The following ARSB variants were observed in gnomAD, a reference collection of about 807,000 sequenced individuals.
ARSB encodes N-acetylgalactosamine-4-sulfatase.
ARSB carries 41 observed loss-of-function variants against 50.9 expected under a neutral mutation model. The ratio of observed to expected loss-of-function variants is 0.81; its 90% confidence interval spans 0.63 to 1.04. The LOEUF (loss-of-function observed/expected upper bound fraction) is 1.04, where lower values mean the gene tolerates loss of function less well. ARSB is among the 50% of genes least tolerant of loss of function. The pLI, the probability that ARSB is intolerant of heterozygous loss-of-function variation, is 0.00. For missense variants in ARSB, 672 were observed against 693.3 expected (o/e 0.97, Z 0.35); for synonymous variants, 269 against 284.8 (o/e 0.94, Z 0.56).
intron 4 of ARSB, among the ~76,000 whole-genome samples, chr5:78,932,507 T>C (rs989002215): frequency 1.3e-5 from 2 of 152,176 alleles, no homozygotes; most frequent in Non-Finnish European, 2.9e-5. Context: ...GAACTTCAAT[T>C]ATCCAGGATT....
At chr5:78,790,002 A>C (rs1399064277) in intron 6 of ARSB, among the ~76,000 whole-genome samples, 1 of 152,132 alleles carries the variant, frequency 6.6e-6, no homozygotes, top group Non-Finnish European at 1.5e-5. Context: ...AGCGTGGCAC[A>C]AACAGCGCTG....
intron 7 of ARSB, among the ~76,000 whole-genome samples, chr5:78,780,944 G>A (rs1365383581): frequency 1.3e-5 from 2 of 152,170 alleles, no homozygotes; most frequent in East Asian, 1.9e-4. Context: ...GGCATTTAGT[G>A]GGCATGAGCT....
intron 4 of ARSB, among the ~76,000 whole-genome samples, chr5:78,903,022 G>C (rs2033605536): frequency 6.6e-6 from 1 of 152,166 alleles, no homozygotes; most frequent in Non-Finnish European, 1.5e-5. Context: ...TAGAAAAACA[G>C]AGAATAGGTC....
At chr5:78,966,689 T>C (rs1752218151) in intron 2 of ARSB, among the ~76,000 whole-genome samples, 1 of 152,158 alleles carries the variant, frequency 6.6e-6, no homozygotes, top group African/African-American at 2.4e-5. Context: ...CTACCTTCTG[T>C]CCAGCTGAAT....
rs528322030 is a variant in ARSB, at chr5:78,920,099, C to T, written c.899-34272G>A. Among the ~76,000 whole-genome samples the T allele has an allele frequency of 1.5e-4, 23 of 152,282 alleles. No individual in the cohort carries two copies. In the South Asian group the frequency reaches 4.6e-3, roughly 30 times the overall value. On this transcript the variant is annotated intron_variant, in intron 4 of 7. Transcript: ENST00000264914. Reference sequence around the variant, plus strand: ...AAGAGATAGGAGGAGGGAATTTGGACAGAGGAGCCACCTGTTACAAATGAA... The same window carrying T: ...AAGAGATAGGAGGAGGGAATTTGGATAGAGGAGCCACCTGTTACAAATGAA...
chr5:78,873,033 T>G (rs1297754597), intron 5 of ARSB, among the ~76,000 whole-genome samples: 1 of 151,330 alleles, frequency 6.6e-6, no homozygotes, highest in African/African-American at 2.4e-5. Context: ...CCATACGAGT[T>G]AAAAAAAATA....
chr5:78,893,290 G>A lies in ARSB; in HGVS notation c.899-7463C>T, dbSNP rs1682697777. 2.6e-5 allele frequency among the ~76,000 whole-genome samples: 4 copies of A among 152,232 alleles called. No individual in the cohort carries two copies. In the South Asian group the frequency reaches 8.3e-4, roughly 32 times the overall value. ...TTCTTTATAAATTACCCAGTCTTGG[G>A]TATGTCTTTATCAGCAGTGTGAAAA... On this transcript the variant is annotated intron_variant, in intron 4 of 7. Coordinates refer to ENST00000264914, the MANE Select transcript of ARSB (RefSeq NM_000046.5).
chr5:78,777,873 T>TAAAAAAA lies in ARSB; in HGVS notation c.*2523_*2524insTTTTTTT, dbSNP rs1561419788. On this transcript the variant is annotated 3_prime_UTR_variant, in exon 8 of 8. Coordinates refer to ENST00000264914, the MANE Select transcript of ARSB (RefSeq NM_000046.5). ...TCTCAAAAAAAAAAAAAAAAAAAAT[T>TAAAAAAA]GGAAAGAAATAACATTATTTCTAAC... 66 of 135,710 alleles carry TAAAAAAA rather than the reference T, an allele frequency of 4.9e-4. 1 individual carries two copies. Among genetic ancestry groups the TAAAAAAA allele is most frequent in the Admixed American group, 5.8e-4 (8 of 13,912 alleles). The allele number at this position is 135,710 out of a possible 1,614,324, so 8.4% of individuals were successfully genotyped here.
At chr5:78,851,319 C>G (rs1304330339) in intron 5 of ARSB, among the ~76,000 whole-genome samples, 2 of 152,064 alleles carry the variant, frequency 1.3e-5, no homozygotes, top group Non-Finnish European at 1.5e-5. Flanking sequence ...CGTTAAGTAC[C>G]CAGTAGTCAT....
rs566272124 is a variant in ARSB at position 78,974,120 on chromosome 5, G to A, written c.313-4928C>T. Among the ~76,000 whole-genome samples the A allele has an allele frequency of 2.3e-3, 357 of 152,338 alleles. 1 individual carries two copies. The highest frequency in any genetic ancestry group is 8.3e-3 in the African/African-American group (347 of 41,586). ...TGCCACCTTAGGGTTTATTCCTGGA[G>A]ATGCCCAAAGAACAAATGGATAGTG... On this transcript the variant is annotated intron_variant, in intron 1 of 7. Transcript: ENST00000264914.
At chr5:78,853,878 A>T (rs1397586200) in intron 5 of ARSB, among the ~76,000 whole-genome samples, 1 of 152,204 alleles carries the variant, frequency 6.6e-6, no homozygotes, top group Non-Finnish European at 1.5e-5. Flanking sequence ...GCGGGATATA[A>T]TCTCCTAGTG....
chr5:78,842,690 C>T (rs75014692), intron 5 of ARSB, among the ~76,000 whole-genome samples: 2,130 of 152,058 alleles, frequency 0.014, 28 homozygotes, highest in Non-Finnish European at 0.024. Flanking sequence ...GAGTAGTCTC[C>T]AATAATCACA....
chr5:78,869,912 G>A (rs1385094375), intron 5 of ARSB, among the ~76,000 whole-genome samples: 19 of 151,488 alleles, frequency 1.3e-4, no homozygotes, highest in South Asian at 4.2e-4. Context: ...TTGATAGACC[G>A]CTAGCAAGAC....
At position 78,937,742 on chromosome 5, in the gene ARSB, TG is replaced by T. The variant is rs530857744; in HGVS notation, c.898+17552del. ...AAGACCCTTTGGTGCGGGGTGGGGG[TG>T]GTTTTAAAATGTATTGGTTATTGAT... On this transcript the variant is annotated intron_variant, in intron 4 of 7. Transcript: ENST00000264914. 1.7e-4 allele frequency among the ~76,000 whole-genome samples: 25 copies of T among 151,058 alleles called. No individual in the cohort carries two copies. The South Asian group carries it at 5.0e-3, about 30-fold the overall frequency.
intron 6 of ARSB, among the ~76,000 whole-genome samples, chr5:78,831,522 T>C (rs1189208384): frequency 6.6e-6 from 1 of 152,136 alleles, no homozygotes; most frequent in African/African-American, 2.4e-5. Context: ...AACATGCTAT[T>C]ATATAGGTGA....
intron 3 of ARSB, among the ~76,000 whole-genome samples, chr5:78,956,161 G>A (rs1215429795): frequency 6.6e-6 from 1 of 152,022 alleles, no homozygotes; most frequent in African/African-American, 2.4e-5. Context: ...ACAAAATATG[G>A]TATATTTTCA....
chr5:78,880,438 T>C (rs1165724865), intron 5 of ARSB, among the ~76,000 whole-genome samples: 1 of 152,182 alleles, frequency 6.6e-6, no homozygotes, highest in Admixed American at 6.5e-5. Flanking sequence ...CACATGCTAT[T>C]ATGTCCTTAT....
intron 4 of ARSB, among the ~76,000 whole-genome samples, chr5:78,913,843 T>G (rs988552389): frequency 2.0e-5 from 3 of 152,170 alleles, no homozygotes; most frequent in Non-Finnish European, 4.4e-5. Flanking sequence ...TTGTTAAAAC[T>G]CATGTTTTTA....
intron 4 of ARSB, among the ~76,000 whole-genome samples, chr5:78,950,893 G>C (rs899029657): frequency 5.3e-5 from 8 of 152,148 alleles, no homozygotes; most frequent in African/African-American, 1.9e-4. Flanking sequence ...TTTTAGAAAA[G>C]TTCTATTCAG....
Sources: allele counts gnomAD v4.1 joint callset (sites outside exome capture counted in the v4.1 genomes callset), GRCh38; gene constraint gnomAD v4.1.1; transcripts MANE v1.5; gene names NCBI Gene and HGNC (gene_info 2026-07-23, HGNC 2026-07-21).